Variants in SH3RF3 observed in about 807,000 individuals in gnomAD.
SH3RF3 encodes the protein E3 ubiquitin-protein ligase SH3RF3.
In SH3RF3, 29 loss-of-function variants were observed where a neutral mutation model predicts 66.3. The observed-to-expected ratio is 0.44, with a 90% CI of 0.33 to 0.60. The LOEUF (loss-of-function observed/expected upper bound fraction) is 0.60, where lower values mean the gene tolerates loss of function less well. Ranked by LOEUF, SH3RF3 falls within the 20% of genes least tolerant of loss-of-function variation. The pLI is 0.04. For synonymous variants in SH3RF3, 583 were observed against 532.0 expected (o/e 1.10, Z -1.32); for missense variants, 1,194 against 1,190.9 (o/e 1.00, Z -0.04).
At chr2:109,463,673 T>C (rs1678265208) in intron 8 of SH3RF3, among the ~76,000 whole-genome samples, 1 of 152,198 alleles carries the variant, frequency 6.6e-6, no homozygotes, top group African/African-American at 2.4e-5. Flanking sequence ...AAAGAGGAGA[T>C]GTTCATGTTT....
chr2:109,455,588 A>G (rs1678030793), intron 8 of SH3RF3, among the ~76,000 whole-genome samples: 1 of 152,220 alleles, frequency 6.6e-6, no homozygotes, highest in Non-Finnish European at 1.5e-5. Context: ...ATGAAACCCC[A>G]GGAACATCCA....
chr2:109,182,702 A>G (rs568459660), intron 1 of SH3RF3, among the ~76,000 whole-genome samples: 4 of 152,344 alleles, frequency 2.6e-5, no homozygotes, highest in African/African-American at 9.6e-5. Context: ...TATTTCCTTG[A>G]TATCAACTAC....
At chr2:109,387,551 A>G (rs1675855601) in intron 3 of SH3RF3, among the ~76,000 whole-genome samples, 1 of 152,174 alleles carries the variant, frequency 6.6e-6, no homozygotes, top group Non-Finnish European at 1.5e-5. Flanking sequence ...CCCAGATGTG[A>G]TGGGGCCAGC....
chr2:109,290,003 C>T (rs1428213650), intron 1 of SH3RF3, among the ~76,000 whole-genome samples: 1 of 152,116 alleles, frequency 6.6e-6, no homozygotes, highest in African/African-American at 2.4e-5. Context: ...ACTGGGGGGA[C>T]CTTGTTAAAA....
intron 8 of SH3RF3, among the ~76,000 whole-genome samples, chr2:109,462,976 G>GTT (rs1195323701): frequency 1.2e-4 from 18 of 152,230 alleles, no homozygotes; most frequent in Non-Finnish European, 2.9e-5. Context: ...CAGTCACCCT[G>GTT]TTAAGGTAGA....
intron 1 of SH3RF3, among the ~76,000 whole-genome samples, chr2:109,240,856 CT>C (rs1178747291): frequency 6.6e-6 from 1 of 150,526 alleles, no homozygotes; most frequent in African/African-American, 2.5e-5. Context: ...ACCCCCACCC[CT>C]GCCCTTGGGA....
chr2:109,476,492 C>A (rs1678686352), intron 8 of SH3RF3, among the ~76,000 whole-genome samples: 1 of 152,192 alleles, frequency 6.6e-6, no homozygotes, highest in African/African-American at 2.4e-5. Flanking sequence ...GGTCTAGAAC[C>A]CAAGATATTT....
At chr2:109,160,227 G>A (rs1379263284) in intron 1 of SH3RF3, among the ~76,000 whole-genome samples, 1 of 152,220 alleles carries the variant, frequency 6.6e-6, no homozygotes, top group Admixed American at 6.5e-5. Flanking sequence ...AGCCAGGTCA[G>A]TCGGTAGCTG....
At chr2:109,407,881 G>A (rs1676488217) in intron 4 of SH3RF3, among the ~76,000 whole-genome samples, 1 of 152,172 alleles carries the variant, frequency 6.6e-6, no homozygotes, top group Non-Finnish European at 1.5e-5. Context: ...CCTGTGACCT[G>A]GCGTCCTGAT....
intron 1 of SH3RF3, among the ~76,000 whole-genome samples, chr2:109,224,175 C>T (rs762964460): frequency 6.6e-6 from 1 of 152,002 alleles, no homozygotes; most frequent in Non-Finnish European, 1.5e-5. Flanking sequence ...AGTGTGTGTG[C>T]ATGTGCAAAT....
rs1680426897 is a variant in SH3RF3 at position 109,264,136 on chromosome 2, C to T, written c.574-83538C>T. Among the ~76,000 whole-genome samples, 3 of 152,076 alleles carry T rather than the reference C, an allele frequency of 2.0e-5. 1 individual carries two copies. The highest frequency in any genetic ancestry group is 2.0e-4 in the Admixed American group (3 of 15,278). On this transcript the variant is annotated intron_variant, in intron 1 of 9. Coordinates refer to ENST00000309415, the MANE Select transcript of SH3RF3 (RefSeq NM_001099289.3). ...CTGTCCACCTCCCCAGGATCCACCT[C>T]GAGTCTGTGGGTGCCCCCCATCCAC...
chr2:109,460,416 G>A (rs533338972), intron 8 of SH3RF3, among the ~76,000 whole-genome samples: 5 of 152,264 alleles, frequency 3.3e-5, no homozygotes, highest in Admixed American at 1.3e-4. Context: ...CTGGTGGATT[G>A]GACACAGTGG....
At chr2:109,454,205 T>C (rs1302480399) in intron 8 of SH3RF3, among the ~76,000 whole-genome samples, 1 of 152,194 alleles carries the variant, frequency 6.6e-6, no homozygotes, top group Non-Finnish European at 1.5e-5. Context: ...TTACAACAAT[T>C]ACAATCCTCA....
chr2:109,203,490 A>C (rs1461966010), intron 1 of SH3RF3, among the ~76,000 whole-genome samples: 1 of 152,128 alleles, frequency 6.6e-6, no homozygotes, highest in East Asian at 1.9e-4. Context: ...CCTAAGTCCC[A>C]CCGCTCCCCA....
At chr2:109,226,862 C>T (rs894751395) in intron 1 of SH3RF3, among the ~76,000 whole-genome samples, 1 of 152,182 alleles carries the variant, frequency 6.6e-6, no homozygotes, top group Non-Finnish European at 1.5e-5. Context: ...GAGAAACTAA[C>T]TGGAATCAGT....
chr2:109,343,023 G>A (rs919210827), intron 1 of SH3RF3, among the ~76,000 whole-genome samples: 1 of 152,122 alleles, frequency 6.6e-6, no homozygotes, highest in East Asian at 1.9e-4. Context: ...CCTCTGAAGG[G>A]GAGCACGCCG....
At chr2:109,135,452 A>G (rs1676793458) in intron 1 of SH3RF3, among the ~76,000 whole-genome samples, 1 of 152,206 alleles carries the variant, frequency 6.6e-6, no homozygotes, top group Admixed American at 6.5e-5. Context: ...TAGGGATGCT[A>G]TCTGCTTCTT....
chr2:109,305,933 T>TCCTCCAGCTGCC (rs1202137637), intron 1 of SH3RF3, among the ~76,000 whole-genome samples: 3 of 151,704 alleles, frequency 2.0e-5, no homozygotes, highest in East Asian at 1.9e-4. Context: ...CTCCAGCTGC[T>TCCTCCAGCTGCC]CCTCCAGCTG....
At chr2:109,432,284 C>T (rs1677249479) in intron 5 of SH3RF3, among the ~76,000 whole-genome samples, 1 of 152,178 alleles carries the variant, frequency 6.6e-6, no homozygotes, top group South Asian at 2.1e-4. Context: ...CCCTCCCCTG[C>T]AGGCAGCTCC....
Sources: allele counts gnomAD v4.1 joint callset (sites outside exome capture counted in the v4.1 genomes callset), GRCh38; gene constraint gnomAD v4.1.1; transcripts MANE v1.5; gene names NCBI Gene and HGNC (gene_info 2026-07-23, HGNC 2026-07-21).